PHACTR4: variants seen among roughly 807,000 people sequenced by gnomAD.
The protein encoded by PHACTR4 is phosphatase and actin regulator 4, also known as protein phosphatase 1, regulatory subunit 124.
In PHACTR4, 51 loss-of-function variants were observed where a neutral mutation model predicts 72.7. The ratio of observed to expected loss-of-function variants is 0.70; its 90% CI spans 0.56 to 0.89. The LOEUF (loss-of-function observed/expected upper bound fraction) is 0.89, where lower values mean the gene tolerates loss of function less well. Ranked by LOEUF, PHACTR4 falls within the 40% of genes least tolerant of loss-of-function variation. The pLI is 0.00. For synonymous variants in PHACTR4, 255 were observed against 302.5 expected, an observed-to-expected ratio of 0.84 and a Z score of 1.63; for missense variants, 731 against 861.8, an observed-to-expected ratio of 0.85 and a Z score of 1.90.
At chr1:28,401,701 G>T (rs1653959250) in intron 1 of PHACTR4, among the ~76,000 whole-genome samples, 1 of 151,964 alleles carries the variant, frequency 6.6e-6, no homozygotes, top group Non-Finnish European at 1.5e-5. Flanking sequence ...AAATTTCTGG[G>T]CTCAAGCTGT....
chr1:28,470,534 C>T (rs879369813), intron 6 of PHACTR4, among the ~76,000 whole-genome samples: 3 of 121,828 alleles, frequency 2.5e-5, no homozygotes, highest in Non-Finnish European at 4.7e-5. Context: ...ACAAAAAATA[C>T]CCCCCCCAAA....
chr1:28,378,435 G>A (rs992386866), intron 1 of PHACTR4, among the ~76,000 whole-genome samples: 8 of 150,142 alleles, frequency 5.3e-5, no homozygotes, highest in African/African-American at 1.5e-4. Flanking sequence ...CCCGGGAGGC[G>A]GAGGTTGCAA....
chr1:28,426,732 T>C (rs559904147), intron 2 of PHACTR4, among the ~76,000 whole-genome samples: 11 of 151,828 alleles, frequency 7.2e-5, no homozygotes, highest in Non-Finnish European at 8.8e-5. Context: ...TTTTTTTTTT[T>C]TTTTAATAGA....
At chr1:28,411,604 G>GT (rs894130164) in intron 2 of PHACTR4, among the ~76,000 whole-genome samples, 1 of 152,126 alleles carries the variant, frequency 6.6e-6, no homozygotes, top group Non-Finnish European at 1.5e-5. Context: ...AAATGAGTTT[G>GT]TTTCTTTTGG....
At chr1:28,472,207 CAAA>C (rs1346388139) in intron 6 of PHACTR4, among the ~76,000 whole-genome samples, 3 of 117,732 alleles carry the variant, frequency 2.5e-5, no homozygotes, top group Non-Finnish European at 1.9e-5. Context: ...GACTCCGTCT[CAAA>C]AAAAAAAAAA....
intron 2 of PHACTR4, among the ~76,000 whole-genome samples, chr1:28,456,235 C>T (rs1433800559): frequency 6.6e-6 from 1 of 152,050 alleles, no homozygotes; most frequent in South Asian, 2.1e-4. Context: ...GACAGAAAAC[C>T]AACCAGGAAT....
At chr1:28,425,935 A>C (rs1035599035) in intron 2 of PHACTR4, among the ~76,000 whole-genome samples, 3 of 152,100 alleles carry the variant, frequency 2.0e-5, no homozygotes, top group African/African-American at 7.2e-5. Flanking sequence ...ATAGATGTCA[A>C]CTGGGCCGGG....
chr1:28,444,388 A>C (rs150626347), intron 2 of PHACTR4, among the ~76,000 whole-genome samples: 15,601 of 148,342 alleles, frequency 0.11, 1,869 homozygotes, highest in African/African-American at 0.3. Flanking sequence ...TGCCACCATG[A>C]CCAGCTAATT....
chr1:28,486,687 T>C (rs1015245365), intron 9 of PHACTR4, among the ~76,000 whole-genome samples: 2 of 151,844 alleles, frequency 1.3e-5, no homozygotes, highest in African/African-American at 2.4e-5. Flanking sequence ...ACCAACATGC[T>C]GAAACCCCAT....
At chr1:28,412,041 A>G (rs1654828115) in intron 2 of PHACTR4, among the ~76,000 whole-genome samples, 1 of 152,322 alleles carries the variant, frequency 6.6e-6, no homozygotes, top group South Asian at 2.1e-4. Context: ...ACAGATGCTT[A>G]CACATTTCAT....
chr1:28,420,594 G>C (rs1243372442), intron 2 of PHACTR4, among the ~76,000 whole-genome samples: 1 of 152,138 alleles, frequency 6.6e-6, no homozygotes, highest in African/African-American at 2.4e-5. Context: ...AGCCATGATT[G>C]TGCCACTGCA....
At chr1:28,427,179 T>G (rs1252651864) in intron 2 of PHACTR4, among the ~76,000 whole-genome samples, 1 of 152,216 alleles carries the variant, frequency 6.6e-6, no homozygotes, top group Non-Finnish European at 1.5e-5. Context: ...TTATTTACTT[T>G]TAGTATGCTT....
intron 1 of PHACTR4, among the ~76,000 whole-genome samples, chr1:28,406,609 A>G (rs1654343964): frequency 6.6e-6 from 1 of 152,120 alleles, no homozygotes; most frequent in South Asian, 2.1e-4. Flanking sequence ...CTTACTCCCA[A>G]GTTTCTCCAG....
chr1:28,424,087 G>A lies in PHACTR4; in HGVS notation c.16+16624G>A, dbSNP rs1655680555. Among the ~76,000 whole-genome samples, 5 of 152,154 alleles carry A rather than the reference G, an allele frequency of 3.3e-5. No homozygotes were observed. The South Asian group carries it at 1.0e-3, about 32-fold the overall frequency. On this transcript the variant is annotated intron_variant, in intron 2 of 13. Coordinates refer to ENST00000373839, the MANE Select transcript of PHACTR4 (RefSeq NM_001048183.3). ...GAGAAGAAATAGAGAACAGAAATCAGCTTTGAGTGATTAAAAACTGGTAGT... is the reference window on the plus strand; with the variant it reads ...GAGAAGAAATAGAGAACAGAAATCAACTTTGAGTGATTAAAAACTGGTAGT...
At chr1:28,449,279 G>A (rs963277654) in intron 2 of PHACTR4, among the ~76,000 whole-genome samples, 3 of 152,028 alleles carry the variant, frequency 2.0e-5, no homozygotes, top group Non-Finnish European at 4.4e-5. Flanking sequence ...TGCCATGATC[G>A]CGCCCATTAA....
chr1:28,393,962 C>T (rs1406713747), intron 1 of PHACTR4, among the ~76,000 whole-genome samples: 1 of 152,000 alleles, frequency 6.6e-6, no homozygotes. Flanking sequence ...GTTTGCTCAC[C>T]TTGGACTCCC....
chr1:28,438,614 T>C (rs572023164), intron 2 of PHACTR4, among the ~76,000 whole-genome samples: 1 of 152,312 alleles, frequency 6.6e-6, no homozygotes, highest in South Asian at 2.1e-4. Context: ...AAAAATTAAG[T>C]TTTTTAAAAC....
At chr1:28,493,993 A>G (rs1375011833) in intron 13 of PHACTR4, among the ~76,000 whole-genome samples, 3 of 152,200 alleles carry the variant, frequency 2.0e-5, no homozygotes, top group Admixed American at 6.6e-5. Context: ...GGACCCACCC[A>G]TATCCAAAGA....
At chr1:28,462,149 A>G (rs1658859142) in intron 4 of PHACTR4, among the ~76,000 whole-genome samples, 2 of 152,072 alleles carry the variant, frequency 1.3e-5, no homozygotes, top group Non-Finnish European at 2.9e-5. Context: ...CTGTGATTAC[A>G]GGCATCCGCC....
Sources: allele counts gnomAD v4.1 joint callset (sites outside exome capture counted in the v4.1 genomes callset), GRCh38; gene constraint gnomAD v4.1.1; transcripts MANE v1.5; gene names NCBI Gene and HGNC (gene_info 2026-07-23, HGNC 2026-07-21).